The following PRKCQ variants were observed in gnomAD, a reference collection of about 807,000 sequenced individuals.
The protein encoded by PRKCQ is protein kinase C theta.
In PRKCQ, 41 loss-of-function variants were observed where a neutral mutation model predicts 91.2. The ratio of observed to expected loss-of-function variants is 0.45; its 90% confidence interval spans 0.35 to 0.58. The LOEUF is 0.58. Ranked by LOEUF, PRKCQ falls within the 20% of genes least tolerant of loss-of-function variation. The pLI, the probability that PRKCQ is intolerant of heterozygous loss-of-function variation, is 0.00. For synonymous variants in PRKCQ, 307 were observed against 316.9 expected (o/e 0.97, Z 0.33); for missense variants, 673 against 896.5 (o/e 0.75, Z 3.18).
rs370233106 is a variant in PRKCQ at position 6,427,557 on chromosome 10, A to G, written c.*650T>C. 12 of 152,438 alleles carry G rather than the reference A, an allele frequency of 7.9e-5. No homozygotes were observed. The highest frequency in any genetic ancestry group is 3.8e-4 in the East Asian group (2 of 5,200). 9.4% of individuals were successfully genotyped at this position (152,438 alleles called of 1,614,324 possible). On this transcript the variant is annotated 3_prime_UTR_variant, in exon 18 of 18. Transcript: ENST00000263125. Reference sequence around the variant, plus strand: ...GACAAGATAACAAGCGAAGGTGTCTAGCAAACCTTCCCTCTCACTTTCCAC... The same window carrying G: ...GACAAGATAACAAGCGAAGGTGTCTGGCAAACCTTCCCTCTCACTTTCCAC...
intron 1 of PRKCQ, among the ~76,000 whole-genome samples, chr10:6,545,313 C>A (rs1308138469): frequency 1.3e-5 from 2 of 152,162 alleles, no homozygotes; most frequent in South Asian, 4.1e-4. Flanking sequence ...TTTATTAAAT[C>A]CTCACAACAA....
At chr10:6,479,699 G>A (rs1836473715) in intron 11 of PRKCQ, among the ~76,000 whole-genome samples, 2 of 148,992 alleles carry the variant, frequency 1.3e-5, no homozygotes, top group Non-Finnish European at 3.0e-5. Flanking sequence ...GGAGGTCAAG[G>A]CAGGCAGATC....
intron 8 of PRKCQ, among the ~76,000 whole-genome samples, chr10:6,489,823 G>T (rs921852156): frequency 2.6e-5 from 4 of 152,070 alleles, no homozygotes; most frequent in Non-Finnish European, 4.4e-5. Context: ...TTCAAGGAAA[G>T]AAATGAAACG....
At chr10:6,553,505 A>ATAAAAT (rs1398088101) in intron 1 of PRKCQ, among the ~76,000 whole-genome samples, 3 of 134,306 alleles carry the variant, frequency 2.2e-5, no homozygotes, top group African/African-American at 5.7e-5. Context: ...AAAAAAAAAA[A>ATAAAAT]AAAAAAAAAA....
At chr10:6,568,914 G>T (rs1263289058) in intron 1 of PRKCQ, among the ~76,000 whole-genome samples, 1 of 152,098 alleles carries the variant, frequency 6.6e-6, no homozygotes, top group African/African-American at 2.4e-5. Flanking sequence ...TTTGCAGCAA[G>T]TCACCTCCCG....
At position 6,466,741 on chromosome 10, in the gene PRKCQ, C is replaced by G. The variant is rs560977573; in HGVS notation, c.1354-2337G>C. On this transcript the variant is annotated intron_variant, in intron 12 of 17. Transcript: ENST00000263125. The stretch of plus-strand genomic sequence containing the variant: ...CATAAACAGCTGGGGAAGGAGAGCT[C>G]AGAGTTGAAGGCAACCCACAGCTGA... 2.0e-5 allele frequency among the ~76,000 whole-genome samples: 3 copies of G among 152,294 alleles called. No homozygotes were observed. In the South Asian group the frequency reaches 6.2e-4, roughly 32 times the overall value.
At chr10:6,431,501 T>TGAGCAC (rs1416383307) in intron 16 of PRKCQ, among the ~76,000 whole-genome samples, 1 of 151,940 alleles carries the variant, frequency 6.6e-6, no homozygotes, top group Non-Finnish European at 1.5e-5. Context: ...AACACAAATG[T>TGAGCAC]GAGCACACGC....
intron 3 of PRKCQ, 80 bp downstream of exon 3, chr10:6,510,915 G>T: frequency 1.3e-6 from 2 of 1,547,972 alleles, no homozygotes; most frequent in Non-Finnish European, 1.8e-6. Flanking sequence ...CACACCCTCA[G>T]ATTGACATGG....
At chr10:6,544,670 G>C (rs1018031851) in intron 1 of PRKCQ, among the ~76,000 whole-genome samples, 4 of 150,954 alleles carry the variant, frequency 2.6e-5, no homozygotes, top group Admixed American at 1.3e-4. Context: ...GCATAGGCTG[G>C]AGTGCAGTGG....
At chr10:6,421,572 G>A in the PRKCQ span, among the ~76,000 whole-genome samples, 1,308 of 152,312 alleles carry the variant, frequency 8.6e-3, 11 homozygotes, top group Middle Eastern at 0.017. This position sits in a 1 kb window ranked among gnomAD's most constrained non-coding sequence, Gnocchi z 4.1. Context: ...ACTGTGCAGT[G>A]CAGATGTGGT....
chr10:6,476,653 GT>G (rs1368255500), intron 12 of PRKCQ, among the ~76,000 whole-genome samples: 1 of 152,168 alleles, frequency 6.6e-6, no homozygotes, highest in African/African-American at 2.4e-5. Flanking sequence ...CAATAAATCT[GT>G]CATTGGGTAT....
At chr10:6,528,438 G>A (rs183906977) in intron 1 of PRKCQ, among the ~76,000 whole-genome samples, 1 of 152,264 alleles carries the variant, frequency 6.6e-6, no homozygotes, top group East Asian at 1.9e-4. Flanking sequence ...AGGGGTGAGA[G>A]GGTCCCTGAC....
At chr10:6,470,258 AC>A (rs1319806918) in intron 12 of PRKCQ, among the ~76,000 whole-genome samples, 1 of 151,770 alleles carries the variant, frequency 6.6e-6, no homozygotes, top group Non-Finnish European at 1.5e-5. Flanking sequence ...TCCTCTTCTT[AC>A]CACCCCAAGG....
intron 12 of PRKCQ, 74 bp from the exon 13 acceptor site, chr10:6,464,478 C>T: frequency 8.0e-7 from 1 of 1,254,320 alleles, no homozygotes; most frequent in African/African-American, 1.5e-5. Context: ...AAGACAGGGT[C>T]TCACTCTGTC....
downstream of PRKCQ, among the ~76,000 whole-genome samples, chr10:6,426,039 C>A (rs1833112515): frequency 6.6e-6 from 1 of 152,112 alleles, no homozygotes; most frequent in Admixed American, 6.5e-5. Context: ...TAGAGCTGCC[C>A]CCAGGCCTGC....
chr10:6,460,500 T>A (rs1564316932), intron 14 of PRKCQ, among the ~76,000 whole-genome samples: 1 of 151,940 alleles, frequency 6.6e-6, no homozygotes, highest in African/African-American at 2.4e-5. Context: ...TTTAACTTTT[T>A]AAATTTTTTG....
chr10:6,490,958 C>A (rs560628147), intron 8 of PRKCQ, among the ~76,000 whole-genome samples: 9 of 151,988 alleles, frequency 5.9e-5, no homozygotes, highest in Non-Finnish European at 1.0e-4. Flanking sequence ...AACGTTATCG[C>A]CTTAGCAACT....
At chr10:6,508,805 T>G (rs1187730588) in intron 3 of PRKCQ, among the ~76,000 whole-genome samples, 1 of 152,106 alleles carries the variant, frequency 6.6e-6, no homozygotes, top group African/African-American at 2.4e-5. Flanking sequence ...AATTAGCTAC[T>G]GGAAAAACAG....
intron 1 of PRKCQ, among the ~76,000 whole-genome samples, chr10:6,578,680 T>C (rs767357863): frequency 5.9e-5 from 9 of 152,218 alleles, no homozygotes; most frequent in Non-Finnish European, 1.3e-4. Flanking sequence ...GGTAAGCACC[T>C]GCATCAAACA....
Sources: gnomAD v4.1 joint callset for allele counts (sites outside exome capture counted in the v4.1 genomes callset) on GRCh38, gnomAD v4.1.1 for gene constraint, Gnocchi (gnomAD v3.1) non-coding constraint, MANE v1.5 for transcripts, NCBI Gene and HGNC (gene_info 2026-07-23, HGNC 2026-07-21) for gene names.